The following GSKIP variants were observed in gnomAD, a reference collection of about 807,000 sequenced individuals.
GSKIP encodes GSK3B-interacting protein.
GSKIP carries 5 observed loss-of-function variants against 11.9 expected under a neutral mutation model. That is an observed-to-expected ratio of 0.42 (90% confidence interval 0.22 to 0.89). The LOEUF (loss-of-function observed/expected upper bound fraction) is 0.89. Ranked by LOEUF, GSKIP falls within the 40% of genes least tolerant of loss-of-function variation. The pLI is 0.29. For missense variants in GSKIP, 150 were observed against 166.6 expected, an observed-to-expected ratio of 0.90 and a Z score of 0.55; for synonymous variants, 70 against 62.9, an observed-to-expected ratio of 1.11 and a Z score of -0.54.
chr14:96,378,972 G>A (rs574342102), intron 1 of GSKIP: 1 of 152,354 alleles, frequency 6.6e-6, no homozygotes, highest in East Asian at 1.9e-4. Flanking sequence ...ATCTCAACAT[G>A]GCTACTTGGA....
intron 1 of GSKIP, among the ~76,000 whole-genome samples, chr14:96,371,535 C>G (rs1047149516): frequency 1.3e-5 from 2 of 150,344 alleles, no homozygotes; most frequent in South Asian, 2.1e-4. Flanking sequence ...GCCTCTGCCT[C>G]TCGGGTTCAA....
chr14:96,380,338 CA>C (rs779763499), intron 2 of GSKIP: 1 of 152,174 alleles, frequency 6.6e-6, no homozygotes, highest in Non-Finnish European at 1.5e-5. Context: ...AAATTGCATT[CA>C]GCAAGTAGTT....
At chr14:96,376,073 G>A (rs1200567688) in intron 1 of GSKIP, among the ~76,000 whole-genome samples, 1 of 152,220 alleles carries the variant, frequency 6.6e-6, no homozygotes, top group Non-Finnish European at 1.5e-5. Flanking sequence ...GAGGGGACAA[G>A]TATTCATACT....
intron 2 of GSKIP, among the ~76,000 whole-genome samples, chr14:96,381,208 T>C (rs1889336567): frequency 6.6e-6 from 1 of 152,240 alleles, no homozygotes; most frequent in African/African-American, 2.4e-5. Flanking sequence ...GGAAGATCTT[T>C]TTTAACCCCA....
chr14:96,384,457 A>G (rs1165821698), intron 3 of GSKIP, among the ~76,000 whole-genome samples: 1 of 152,126 alleles, frequency 6.6e-6, no homozygotes, highest in Non-Finnish European at 1.5e-5. Flanking sequence ...GCTTAAATAG[A>G]TGTCATAAAA....
intron 1 of GSKIP, among the ~76,000 whole-genome samples, chr14:96,372,224 CAG>C (rs1889067039): frequency 6.6e-6 from 1 of 152,154 alleles, no homozygotes; most frequent in Non-Finnish European, 1.5e-5. Flanking sequence ...ACCTGAGAAG[CAG>C]AGAGTTAGAA....
In GSKIP at chr14:96,371,836, C is replaced by T. The variant is rs555951243; in HGVS notation, c.-102-7852C>T. ...AAACTTAGAGAAGGCCTAACTCAGC[C>T]CTAACCTTGTATCCTTTTACCAGCT... is the stretch of plus-strand genomic sequence containing the variant. On this transcript the variant is annotated intron_variant, in intron 1 of 3. Coordinates refer to ENST00000555181, the MANE Select transcript of GSKIP (RefSeq NM_016472.5). Among the ~76,000 whole-genome samples, 8 of 152,268 alleles carry T rather than the reference C, an allele frequency of 5.3e-5. No homozygotes were observed. The South Asian group carries it at 1.7e-3, about 32-fold the overall frequency.
rs1221145986 is a variant in GSKIP, at chr14:96,386,609, C to T, written c.*925C>T. 1 of 152,640 alleles carries T rather than the reference C, an allele frequency of 6.6e-6. No homozygotes were observed. The highest frequency in any genetic ancestry group is 2.4e-5 in the African/African-American group (1 of 41,428). 9.5% of individuals were successfully genotyped at this position (152,640 alleles called of 1,614,324 possible). Reference sequence around the variant, plus strand: ...ATGTAGTGCTTTGGTATTCCTACAGCACCCCACCTTCCCCAACAGATGTAC... The same window carrying T: ...ATGTAGTGCTTTGGTATTCCTACAGTACCCCACCTTCCCCAACAGATGTAC... On this transcript the variant is annotated 3_prime_UTR_variant, in exon 4 of 4. Transcript: ENST00000555181.
At chr14:96,382,804 A>G (rs1889384892) in intron 3 of GSKIP, among the ~76,000 whole-genome samples, 1 of 152,214 alleles carries the variant, frequency 6.6e-6, no homozygotes. Context: ...CACCAGAATT[A>G]TACATACATT....
intron 1 of GSKIP, among the ~76,000 whole-genome samples, chr14:96,377,060 C>T (rs1889222234): frequency 6.6e-6 from 1 of 152,142 alleles, no homozygotes; most frequent in Non-Finnish European, 1.5e-5. Flanking sequence ...TTAGTATAAA[C>T]TCTGCTTATT....
chr14:96,384,129 C>A (rs1889423760), intron 3 of GSKIP, among the ~76,000 whole-genome samples: 1 of 152,064 alleles, frequency 6.6e-6, no homozygotes, highest in Admixed American at 6.5e-5. Context: ...ATATGTAAAA[C>A]CTGACATGTA....
intron 3 of GSKIP, among the ~76,000 whole-genome samples, chr14:96,385,187 T>C (rs981127527): frequency 2.6e-5 from 4 of 152,166 alleles, no homozygotes; most frequent in African/African-American, 7.2e-5. Context: ...GAAAATGAAA[T>C]ACCATTTTTG....
At chr14:96,367,554 T>A (rs1888921772) in intron 1 of GSKIP, among the ~76,000 whole-genome samples, 1 of 152,234 alleles carries the variant, frequency 6.6e-6, no homozygotes, top group African/African-American at 2.4e-5. Context: ...GGCTGTTCTT[T>A]TGTCAGACTA....
intron 1 of GSKIP, among the ~76,000 whole-genome samples, chr14:96,370,743 A>G (rs1595346378): frequency 6.6e-6 from 1 of 152,142 alleles, no homozygotes; most frequent in Non-Finnish European, 1.5e-5. Context: ...AAGCAGCTGG[A>G]GGCCATTGCA....
In GSKIP at chr14:96,385,836, A is replaced by G. The variant is rs887196562; in HGVS notation, c.*152A>G. 2 of 588,776 alleles carry G rather than the reference A, an allele frequency of 3.4e-6. No homozygotes were observed. The highest frequency in any genetic ancestry group is 3.3e-5 in the Admixed American group (1 of 30,266). The allele number at this position is 588,776 out of a possible 1,614,324, so 36.5% of individuals were successfully genotyped here. ...GGCTTTTGGCTCAGAAGATTATTGAATAATGATTTGTCTTAGTTTCTGTTT... is the reference window on the plus strand; with the variant it reads ...GGCTTTTGGCTCAGAAGATTATTGAGTAATGATTTGTCTTAGTTTCTGTTT... On this transcript the variant is annotated 3_prime_UTR_variant, in exon 4 of 4. Coordinates refer to ENST00000555181, the MANE Select transcript of GSKIP (RefSeq NM_016472.5).
At chr14:96,373,094 G>A (rs55731136) in intron 1 of GSKIP, among the ~76,000 whole-genome samples, 23,681 of 151,978 alleles carry the variant, frequency 0.16, 2,303 homozygotes, top group Non-Finnish European at 0.21. Flanking sequence ...GCCAGGCACG[G>A]TGGTGGCCAC....
intron 1 of GSKIP, among the ~76,000 whole-genome samples, chr14:96,365,701 G>A (rs925762680): frequency 1.3e-5 from 2 of 151,980 alleles, no homozygotes. Flanking sequence ...AGGTGTGATG[G>A]CGTGCACCTG....
chr14:96,377,899 A>C (rs1292938069), intron 1 of GSKIP, among the ~76,000 whole-genome samples: 2 of 152,204 alleles, frequency 1.3e-5, no homozygotes, highest in East Asian at 3.8e-4. Context: ...TCCCCAGTAC[A>C]TGTTGCTATG....
chr14:96,370,461 G>T (rs1889013546), intron 1 of GSKIP, among the ~76,000 whole-genome samples: 1 of 151,832 alleles, frequency 6.6e-6, no homozygotes, highest in Admixed American at 6.6e-5. Flanking sequence ...ATGGGACGTG[G>T]TGAGAGCTGT....
Sources: allele counts gnomAD v4.1 joint callset (sites outside exome capture counted in the v4.1 genomes callset), GRCh38; gene constraint gnomAD v4.1.1; transcripts MANE v1.5; gene names NCBI Gene and HGNC (gene_info 2026-07-23, HGNC 2026-07-21).